CLIC4: variants seen among roughly 807,000 people sequenced by gnomAD.
CLIC4 encodes the protein CLIC family member 4.
Under a neutral mutation model 24.6 loss-of-function variants are expected in CLIC4, and 13 were observed. The ratio of observed to expected loss-of-function variants is 0.53; its 90% CI spans 0.34 to 0.84. The LOEUF (loss-of-function observed/expected upper bound fraction) is 0.84. CLIC4 is among the 40% of genes least tolerant of loss of function. CLIC4 has a pLI of 0.01. For missense variants in CLIC4, 227 were observed against 301.7 expected, an observed-to-expected ratio of 0.75 and a Z score of 1.83; for synonymous variants, 104 against 111.3, an observed-to-expected ratio of 0.93 and a Z score of 0.41.
At chr1:24,819,494 A>G (rs532431347) in intron 3 of CLIC4, among the ~76,000 whole-genome samples, 6 of 148,362 alleles carry the variant, frequency 4.0e-5, no homozygotes, top group South Asian at 4.3e-4. Context: ...CTGGAGTGCA[A>G]TGGCATGATC....
At chr1:24,774,462 A>T (rs1639107493) in intron 1 of CLIC4, among the ~76,000 whole-genome samples, 1 of 152,070 alleles carries the variant, frequency 6.6e-6, no homozygotes, top group Admixed American at 6.5e-5. Context: ...TTTTGAGTTG[A>T]TTTTTATTGT....
rs11799421 is a variant in CLIC4, at chr1:24,807,521, C to T, written c.183-6573C>T. Reference sequence around the variant, plus strand: ...TTTCCCCTATTGGCTAGGGTTAGACCGCACAGACTAAAGTAATTCTGATTG... The same window carrying T: ...TTTCCCCTATTGGCTAGGGTTAGACTGCACAGACTAAAGTAATTCTGATTG... On this transcript the variant is annotated intron_variant, in intron 2 of 5. Transcript: ENST00000374379. Among the ~76,000 whole-genome samples, 988 of 152,104 alleles carry T rather than the reference C, an allele frequency of 6.5e-3. 15 individuals carry two copies. The highest frequency in any genetic ancestry group is 0.023 in the African/African-American group (954 of 41,480).
intron 1 of CLIC4, among the ~76,000 whole-genome samples, chr1:24,778,333 A>G (rs1052137937): frequency 1.3e-5 from 2 of 152,196 alleles, no homozygotes; most frequent in Non-Finnish European, 2.9e-5. Flanking sequence ...CTAATTTCAT[A>G]TGGTTATTGT....
intron 1 of CLIC4, among the ~76,000 whole-genome samples, chr1:24,782,476 C>T (rs1287382783): frequency 6.6e-6 from 1 of 151,288 alleles, no homozygotes; most frequent in East Asian, 1.9e-4. Flanking sequence ...TCTGGTGTTT[C>T]GTATAGGTCC....
At chr1:24,840,515 G>T (rs775186296) in intron 5 of CLIC4, among the ~76,000 whole-genome samples, 1 of 152,188 alleles carries the variant, frequency 6.6e-6, no homozygotes, top group Non-Finnish European at 1.5e-5. Flanking sequence ...GTATTTTCCA[G>T]TGATTATACT....
chr1:24,763,128 T>G (rs1571232158), intron 1 of CLIC4, among the ~76,000 whole-genome samples: 1 of 152,184 alleles, frequency 6.6e-6, no homozygotes, highest in East Asian at 1.9e-4. Context: ...GTTCTTCATC[T>G]TTGTATAAGC....
intron 1 of CLIC4, among the ~76,000 whole-genome samples, chr1:24,754,454 T>C (rs952332627): frequency 2.6e-5 from 4 of 152,110 alleles, no homozygotes; most frequent in African/African-American, 9.7e-5. Context: ...GAGTAGGGAA[T>C]TGTGAGTCCA....
intron 4 of CLIC4, among the ~76,000 whole-genome samples, chr1:24,835,170 G>A (rs1196951147): frequency 1.3e-5 from 2 of 152,198 alleles, no homozygotes; most frequent in South Asian, 4.1e-4. Context: ...GCTATGGCTA[G>A]CATGATCCTT....
rs1639970681 is a variant in CLIC4 at position 24,844,240 on chromosome 1, T to C, written c.*3303T>C. ...CAGTATATTGCTGGCAGCTATTGTA[T>C]TAAAAAATAAAGTATATTTTCACTA... On this transcript the variant is annotated 3_prime_UTR_variant, in exon 6 of 6. Coordinates refer to ENST00000374379, the MANE Select transcript of CLIC4 (RefSeq NM_013943.3). 1 of 152,618 alleles carries C rather than the reference T, an allele frequency of 6.6e-6. No homozygotes were observed. Among genetic ancestry groups the C allele is most frequent in the South Asian group, 2.1e-4 (1 of 4,836 alleles). 9.5% of individuals were successfully genotyped at this position (152,618 alleles called of 1,614,324 possible).
intron 1 of CLIC4, among the ~76,000 whole-genome samples, chr1:24,796,175 G>A (rs1460568327): frequency 2.0e-5 from 3 of 152,108 alleles, no homozygotes; most frequent in African/African-American, 7.2e-5. Context: ...TCAAAAGATT[G>A]TAATTTGCTT....
intron 2 of CLIC4, among the ~76,000 whole-genome samples, chr1:24,804,019 T>G (rs1207541752): frequency 6.6e-6 from 1 of 152,216 alleles, no homozygotes; most frequent in African/African-American, 2.4e-5. Context: ...GATTCCCAAA[T>G]AGACTCTTCA....
chr1:24,776,035 A>G (rs1428382601), intron 1 of CLIC4, among the ~76,000 whole-genome samples: 1 of 152,168 alleles, frequency 6.6e-6, no homozygotes, highest in African/African-American at 2.4e-5. Flanking sequence ...CTGTCCCCCC[A>G]TAGTAGGTGG....
chr1:24,755,996 ATTTT>A (rs972121749), intron 1 of CLIC4, among the ~76,000 whole-genome samples: 1 of 63,380 alleles, frequency 1.6e-5, no homozygotes, highest in African/African-American at 5.5e-5. Flanking sequence ...TAATTTTTTG[ATTTT>A]TTTTTTTTTT....
chr1:24,763,035 T>G (rs1638947428), intron 1 of CLIC4, among the ~76,000 whole-genome samples: 1 of 152,202 alleles, frequency 6.6e-6, no homozygotes, highest in Non-Finnish European at 1.5e-5. Flanking sequence ...TGGTATGTAT[T>G]GCTTCTTCGT....
chr1:24,819,126 A>C (rs1355755405), intron 3 of CLIC4, among the ~76,000 whole-genome samples: 3 of 152,036 alleles, frequency 2.0e-5, no homozygotes, highest in African/African-American at 7.2e-5. Context: ...TGCTAAGCCT[A>C]ATATTTTATT....
chr1:24,747,309 G>A (rs1638712748), intron 1 of CLIC4, among the ~76,000 whole-genome samples: 1 of 151,882 alleles, frequency 6.6e-6, no homozygotes, highest in Admixed American at 6.6e-5. Flanking sequence ...GCTGAGGTGG[G>A]CAGATCACGA....
intron 1 of CLIC4, among the ~76,000 whole-genome samples, chr1:24,769,127 TCAAAA>T (rs1345199860): frequency 2.0e-5 from 3 of 151,922 alleles, no homozygotes; most frequent in African/African-American, 7.2e-5. Context: ...AGACTCTGTC[TCAAAA>T]CAAAAGAAAA....
At chr1:24,759,828 C>G (rs1287934408) in intron 1 of CLIC4, among the ~76,000 whole-genome samples, 1 of 152,004 alleles carries the variant, frequency 6.6e-6, no homozygotes. Flanking sequence ...GTGGCACGTG[C>G]CTGTATTCCC....
chr1:24,746,740 G>C (rs987241845), intron 1 of CLIC4, among the ~76,000 whole-genome samples: 3 of 152,180 alleles, frequency 2.0e-5, no homozygotes, highest in South Asian at 2.1e-4. Context: ...TGGGCGCGGT[G>C]GCTCATGCCT....
Sources: gnomAD v4.1 joint callset for allele counts (sites outside exome capture counted in the v4.1 genomes callset) on GRCh38, gnomAD v4.1.1 for gene constraint, MANE v1.5 for transcripts, NCBI Gene and HGNC (gene_info 2026-07-23, HGNC 2026-07-21) for gene names.